The following DSCAML1 variants were observed in gnomAD, a reference collection of about 807,000 sequenced individuals.
The protein encoded by DSCAML1 is DS cell adhesion molecule like 1, also known as cell adhesion molecule DSCAML1.
In DSCAML1, 38 loss-of-function variants were observed where a neutral mutation model predicts 200.5. The ratio of observed to expected loss-of-function variants is 0.19; its 90% confidence interval spans 0.15 to 0.25. The LOEUF (loss-of-function observed/expected upper bound fraction) is 0.25, where lower values mean the gene tolerates loss of function less well. Among genes scored for constraint, DSCAML1 ranks in the 10% least tolerant of loss-of-function variants. The pLI, the probability that DSCAML1 is intolerant of heterozygous loss-of-function variation, is 1.00. For synonymous variants in DSCAML1, 1,215 were observed against 1,165.0 expected, an observed-to-expected ratio of 1.04 and a Z score of -0.87; for missense variants, 2,223 against 2,858.8, an observed-to-expected ratio of 0.78 and a Z score of 5.07.
At chr11:117,740,224 G>A (rs549671302) in intron 3 of DSCAML1, among the ~76,000 whole-genome samples, 42 of 152,304 alleles carry the variant, frequency 2.8e-4, no homozygotes, top group African/African-American at 9.4e-4. Flanking sequence ...GGGAAAAAAA[G>A]TACTCTATTA....
intron 3 of DSCAML1, among the ~76,000 whole-genome samples, chr11:117,644,258 G>A (rs927852720): frequency 2.0e-5 from 3 of 152,216 alleles, no homozygotes; most frequent in African/African-American, 4.8e-5. Context: ...GGAAACAAGC[G>A]GATATTTTAG....
intron 1 of DSCAML1, among the ~76,000 whole-genome samples, chr11:117,785,057 T>A (rs1443488446): frequency 6.6e-6 from 1 of 152,188 alleles, no homozygotes; most frequent in African/African-American, 2.4e-5. Flanking sequence ...TCCCCAGTCA[T>A]TTCTGATCCA....
chr11:117,558,684 G>A (rs1235914643), intron 3 of DSCAML1, among the ~76,000 whole-genome samples: 4 of 152,172 alleles, frequency 2.6e-5, no homozygotes, highest in East Asian at 3.9e-4. Flanking sequence ...TGGGAGCATC[G>A]GCAGACTCGC....
At chr11:117,569,578 CCTTT>C (rs1397709865) in intron 3 of DSCAML1, among the ~76,000 whole-genome samples, 1 of 152,178 alleles carries the variant, frequency 6.6e-6, no homozygotes, top group Non-Finnish European at 1.5e-5. Context: ...CTGCCTACTT[CCTTT>C]CTATTACACC....
At chr11:117,743,721 C>T (rs1220822313) in intron 3 of DSCAML1, among the ~76,000 whole-genome samples, 1 of 152,248 alleles carries the variant, frequency 6.6e-6, no homozygotes, top group African/African-American at 2.4e-5. Flanking sequence ...TTAGAGCTTG[C>T]TGGGAGCCAG....
rs778479526 is a variant in DSCAML1, at chr11:117,481,168, AG to A, written c.2656+5del. 1.1e-5 allele frequency: 18 copies of A among 1,613,364 alleles called. No individual in the cohort carries two copies. The highest frequency in any genetic ancestry group is 1.4e-5 in the Non-Finnish European group (16 of 1,179,698). Reference sequence around the variant, plus strand: ...GGGATGGGAAGGGTGGGGCAGGTGAAGGTACCTTGCACAGTGAGTTGGATCA... The same window carrying A: ...GGGATGGGAAGGGTGGGGCAGGTGAAGTACCTTGCACAGTGAGTTGGATCA... On this transcript the variant is annotated splice_donor_5th_base_variant and intron_variant, in intron 13 of 32. Coordinates refer to ENST00000651296, the MANE Select transcript of DSCAML1 (RefSeq NM_020693.4).
At chr11:117,632,376 A>C (rs983518676) in intron 3 of DSCAML1, among the ~76,000 whole-genome samples, 2 of 152,102 alleles carry the variant, frequency 1.3e-5, no homozygotes, top group African/African-American at 4.8e-5. Flanking sequence ...CCTTACCTTG[A>C]CACTAGCTCA....
chr11:117,639,107 G>T (rs1046034324), intron 3 of DSCAML1, among the ~76,000 whole-genome samples: 1 of 152,102 alleles, frequency 6.6e-6, no homozygotes, highest in Non-Finnish European at 1.5e-5. Context: ...AGGGTCCAGA[G>T]GAAATGAAAA....
chr11:117,734,455 A>G (rs980734739), intron 3 of DSCAML1, among the ~76,000 whole-genome samples: 2 of 152,160 alleles, frequency 1.3e-5, no homozygotes, highest in African/African-American at 4.8e-5. Context: ...TGGCTTCCCC[A>G]TTCCTAGAAA....
intron 3 of DSCAML1, among the ~76,000 whole-genome samples, chr11:117,576,415 G>A (rs938663021): frequency 6.6e-6 from 1 of 152,168 alleles, no homozygotes; most frequent in Non-Finnish European, 1.5e-5. Flanking sequence ...GGAGCACAAG[G>A]CCGCTTTCCC....
At chr11:117,487,887 C>T (rs1476156505) in intron 11 of DSCAML1, among the ~76,000 whole-genome samples, 1 of 152,178 alleles carries the variant, frequency 6.6e-6, no homozygotes, top group Non-Finnish European at 1.5e-5. Flanking sequence ...GGCAAGCTCC[C>T]TGCATTGGAA....
At chr11:117,711,668 G>T (rs1299816221) in intron 3 of DSCAML1, among the ~76,000 whole-genome samples, 2 of 152,186 alleles carry the variant, frequency 1.3e-5, no homozygotes, top group Non-Finnish European at 2.9e-5. Flanking sequence ...GCTCAAGAAA[G>T]AAGATTCAAT....
At position 117,469,828 on chromosome 11, in the gene DSCAML1, A is replaced by G; in HGVS notation, c.3024+82T>C. 7.6e-7 allele frequency: 1 copy of G among 1,315,420 alleles called. No homozygotes were observed. The highest frequency in any genetic ancestry group is 1.0e-6 in the Non-Finnish European group (1 of 964,698). 81.5% of individuals were successfully genotyped at this position (1,315,420 alleles called of 1,614,324 possible). On this transcript the variant is annotated intron_variant, in intron 16 of 32. Coordinates refer to ENST00000651296, the MANE Select transcript of DSCAML1 (RefSeq NM_020693.4). This position sits in a 1 kb window ranked among gnomAD's most constrained non-coding sequence, Gnocchi z 4.1. ...CATCATATAAGACTAGAGACTAGCAAGCCTGCTGGGAGCTTTCGTCCTGGA... is the reference window on the plus strand; with the variant it reads ...CATCATATAAGACTAGAGACTAGCAGGCCTGCTGGGAGCTTTCGTCCTGGA...
chr11:117,482,121 T>C lies in DSCAML1; in HGVS notation c.2401A>G (p.Ile801Val). ...ITSHPNTTIA[I>V]KGHAKELNCT... The stretch of plus-strand genomic sequence containing the variant: ...TTTAGCTCCTTCGCATGGCCCTTGA[T>C]GGCGATGGTGGTGTTGGGGTGGGAA... The change falls in exon 12 of 33, where the codon ATC becomes GTC. Residue 801 changes from isoleucine to valine, a missense_variant. Around this residue, in one of 7 missense-constraint regions of DSCAML1, gnomAD observed 438 missense variants for 629.7 expected, o/e 0.70. Transcript: ENST00000651296. 2 of 1,614,152 alleles carry C rather than the reference T, an allele frequency of 1.2e-6. No individual in the cohort carries two copies. Among genetic ancestry groups the C allele is most frequent in the South Asian group, 2.2e-5 (2 of 91,086 alleles).
At chr11:117,542,992 G>C (rs1645164846) in intron 3 of DSCAML1, among the ~76,000 whole-genome samples, 1 of 152,236 alleles carries the variant, frequency 6.6e-6, no homozygotes, top group Non-Finnish European at 1.5e-5. Context: ...TCTGGGCAGA[G>C]GTTGGTCCCC....
chr11:117,472,417 AC>A (rs1343728211), intron 14 of DSCAML1, among the ~76,000 whole-genome samples: 4 of 152,154 alleles, frequency 2.6e-5, no homozygotes, highest in Admixed American at 2.0e-4. Flanking sequence ...ACAGTGAGAC[AC>A]CCCATTTACC....
At chr11:117,440,928 A>G (rs1261249166) in intron 21 of DSCAML1, among the ~76,000 whole-genome samples, 1 of 148,702 alleles carries the variant, frequency 6.7e-6, no homozygotes, top group Admixed American at 6.6e-5. Context: ...CTCAAAAAAA[A>G]AAAAAAAAAA....
chr11:117,601,835 G>A (rs1318830611), intron 3 of DSCAML1, among the ~76,000 whole-genome samples: 2 of 152,184 alleles, frequency 1.3e-5, no homozygotes, highest in African/African-American at 4.8e-5. Flanking sequence ...CCCCAGGGCT[G>A]GTTTTGATTC....
At chr11:117,704,770 C>A (rs760224739) in intron 3 of DSCAML1, among the ~76,000 whole-genome samples, 1 of 152,122 alleles carries the variant, frequency 6.6e-6, no homozygotes, top group African/African-American at 2.4e-5. Flanking sequence ...TAATTGTATG[C>A]GAGTCTCGGT....
Sources: allele counts gnomAD v4.1 joint callset (sites outside exome capture counted in the v4.1 genomes callset), GRCh38; gene constraint gnomAD v4.1.1; regional missense constraint gnomAD v4.1.1; non-coding constraint Gnocchi (gnomAD v3.1); transcripts MANE v1.5; gene names NCBI Gene and HGNC (gene_info 2026-07-23, HGNC 2026-07-21).